The following MCPH1 variants were observed in gnomAD, a reference collection of about 807,000 sequenced individuals.
MCPH1 encodes the protein microcephalin 1, also known as microcephalin.
Under a neutral mutation model 84.5 loss-of-function variants are expected in MCPH1, and 104 were observed. The observed-to-expected ratio is 1.23, with a 90% confidence interval of 1.05 to 1.45. MCPH1 has a LOEUF of 1.45. MCPH1 is among the 40% of genes most tolerant of loss of function. The pLI, the probability that MCPH1 is intolerant of heterozygous loss-of-function variation, is 0.00. For missense variants in MCPH1, 1,498 were observed against 1,005.7 expected (o/e 1.49, Z -6.62); for synonymous variants, 514 against 366.8 (o/e 1.40, Z -4.58).
At chr8:6,565,400 T>A (rs1446525594) in intron 12 of MCPH1, among the ~76,000 whole-genome samples, 4 of 152,214 alleles carry the variant, frequency 2.6e-5, no homozygotes, top group African/African-American at 9.7e-5. Flanking sequence ...AAGGTATTAA[T>A]ATCACATATG....
intron 11 of MCPH1, among the ~76,000 whole-genome samples, chr8:6,481,997 A>G (rs1809307510): frequency 6.6e-6 from 1 of 152,208 alleles, no homozygotes; most frequent in Non-Finnish European, 1.5e-5. Context: ...ATCTGGCTCC[A>G]TTCTCCCTGG....
chr8:6,406,722 G>A (rs1010929757), intron 1 of MCPH1, 33 bp downstream of exon 1: 3 of 1,609,010 alleles, frequency 1.9e-6, no homozygotes, highest in African/African-American at 1.3e-5. Flanking sequence ...CTCCAGCAGC[G>A]GGAGTTTGAG....
At chr8:6,518,715 A>G (rs940085163) in intron 12 of MCPH1, among the ~76,000 whole-genome samples, 1 of 152,188 alleles carries the variant, frequency 6.6e-6, no homozygotes, top group Non-Finnish European at 1.5e-5. Context: ...TACAGTATCC[A>G]CTGTATTCTC....
intron 12 of MCPH1, among the ~76,000 whole-genome samples, chr8:6,527,342 G>T (rs1563348477): frequency 1.3e-5 from 2 of 152,236 alleles, no homozygotes; most frequent in African/African-American, 2.4e-5. Context: ...AGGGGCCAGG[G>T]AATGAAAGGT....
At chr8:6,464,275 C>T (rs900262774) in intron 9 of MCPH1, among the ~76,000 whole-genome samples, 5 of 152,112 alleles carry the variant, frequency 3.3e-5, no homozygotes, top group Non-Finnish European at 7.4e-5. Flanking sequence ...CGGGGATGTG[C>T]TCGTTGTAAC....
At position 6,445,220 on chromosome 8, in the gene MCPH1, A is replaced by C; in HGVS notation, c.1498A>C (p.Thr500Pro). The C allele has an allele frequency of 6.2e-7, 1 of 1,614,258 alleles. No homozygotes were observed. Among genetic ancestry groups the C allele is most frequent in the Non-Finnish European group, 8.5e-7 (1 of 1,180,054 alleles). ...AGGCCGTGCAACTTCGAGTTGCGTG[A>C]CTTCTGCCCCTGAAGAAGCCCTAAG... ...GEGRATSSCV[T>P]SAPEEALRCC... The change falls in exon 8 of 14, where the codon ACT (threonine) becomes CCT (proline). Residue 500 changes from threonine to proline, a missense_variant. Thr to Pro is a conservative substitution (Grantham distance 38). Coordinates refer to ENST00000344683, the MANE Select transcript of MCPH1 (RefSeq NM_024596.5).
chr8:6,445,980 G>C, intron 8 of MCPH1: 13 of 980,326 alleles, frequency 1.3e-5, no homozygotes, highest in Non-Finnish European at 1.6e-5. Context: ...TTAAGCCATC[G>C]ATTGTATCAT....
At chr8:6,534,956 C>T (rs1820224257) in intron 12 of MCPH1, among the ~76,000 whole-genome samples, 1 of 152,198 alleles carries the variant, frequency 6.6e-6, no homozygotes, top group Non-Finnish European at 1.5e-5. Context: ...AGCTGTGTGT[C>T]ACCCAGAGGC....
intron 11 of MCPH1, among the ~76,000 whole-genome samples, chr8:6,497,348 A>G (rs920609364): frequency 2.0e-5 from 3 of 152,062 alleles, no homozygotes; most frequent in Non-Finnish European, 2.9e-5. Context: ...AGAAAAAAGA[A>G]AAAAATTAAC....
chr8:6,464,134 T>C (rs1403385229), intron 9 of MCPH1, among the ~76,000 whole-genome samples: 1 of 152,224 alleles, frequency 6.6e-6, no homozygotes, highest in Non-Finnish European at 1.5e-5. Context: ...ATAGGCCCTT[T>C]AGTGCCGACC....
intron 13 of MCPH1, among the ~76,000 whole-genome samples, chr8:6,641,874 T>C (rs185057596): frequency 1.3e-5 from 2 of 152,342 alleles, no homozygotes; most frequent in African/African-American, 4.8e-5. Flanking sequence ...ATTTCTTATA[T>C]ATATAAGCTA....
At chr8:6,556,034 T>A (rs1824551751) in intron 12 of MCPH1, among the ~76,000 whole-genome samples, 1 of 152,166 alleles carries the variant, frequency 6.6e-6, no homozygotes, top group Non-Finnish European at 1.5e-5. Context: ...TCAGGCCTGA[T>A]GCTGGCCTAG....
At chr8:6,601,239 G>C (rs1829336453) in intron 12 of MCPH1, among the ~76,000 whole-genome samples, 1 of 152,160 alleles carries the variant, frequency 6.6e-6, no homozygotes, top group Admixed American at 6.5e-5. Context: ...TGTCTTTGCA[G>C]GTGCATCTCT....
At chr8:6,435,162 C>T (rs1204411770) in intron 4 of MCPH1, among the ~76,000 whole-genome samples, 3 of 152,036 alleles carry the variant, frequency 2.0e-5, no homozygotes, top group Non-Finnish European at 2.9e-5. Context: ...GATTTAATGA[C>T]GGTAGGGCAA....
rs143326704 is a variant in MCPH1, at chr8:6,521,221, C to T, written c.2214+21292C>T. 1.2e-4 allele frequency: 186 copies of T among 1,613,768 alleles called. No individual in the cohort carries two copies. The highest frequency in any genetic ancestry group is 1.4e-4 in the Non-Finnish European group (168 of 1,179,950). On this transcript the variant is annotated intron_variant, in intron 12 of 13. Coordinates refer to ENST00000344683, the MANE Select transcript of MCPH1 (RefSeq NM_024596.5). ...TAGTCAGTAAGTTATTAACTGTCTC[C>T]ATGAGATCATGTTGCTGCTTCTGAA...
chr8:6,445,128 G>A lies in MCPH1; in HGVS notation c.1406G>A (p.Arg469Lys), dbSNP rs1401577916. Residue 469 changes from arginine (R) to lysine (K), a missense_variant, in exon 8 of 14, where the codon AGA becomes AAA. Physicochemically the swap from Arg to Lys is conservative, Grantham distance 26 (BLOSUM62 2). Coordinates refer to ENST00000344683, the MANE Select transcript of MCPH1 (RefSeq NM_024596.5). Reference protein sequence around the residue: ...SDFSCVGKKTRTVDITNFTAK... With the variant: ...SDFSCVGKKTKTVDITNFTAK... ...TTTTCCTGCGTTGGCAAAAAAACCAGAACAGTTGACATTACCAATTTCACA... is the reference window on the plus strand; with the variant it reads ...TTTTCCTGCGTTGGCAAAAAAACCAAAACAGTTGACATTACCAATTTCACA... The A allele has an allele frequency of 6.2e-7, 1 of 1,614,244 alleles. No homozygotes were observed. The highest frequency in any genetic ancestry group is 8.5e-7 in the Non-Finnish European group (1 of 1,180,044).
intron 1 of MCPH1, chr8:6,407,165 C>G (rs987903008): frequency 4.3e-6 from 1 of 232,104 alleles, no homozygotes. Flanking sequence ...TGGTGTGGGG[C>G]CCTCCTGGGT....
chr8:6,508,727 A>G (rs1412173886), intron 12 of MCPH1: 5 of 694,702 alleles, frequency 7.2e-6, no homozygotes, highest in Middle Eastern at 3.9e-4. Context: ...TGGCTTGCTG[A>G]CAAGTCTAGC....
intron 12 of MCPH1, among the ~76,000 whole-genome samples, chr8:6,540,189 C>T (rs1821288276): frequency 6.6e-6 from 1 of 152,128 alleles, no homozygotes; most frequent in African/African-American, 2.4e-5. Flanking sequence ...TAATTTTTTT[C>T]ACATATATTT....
Sources: gnomAD v4.1 joint callset for allele counts (sites outside exome capture counted in the v4.1 genomes callset) on GRCh38, gnomAD v4.1.1 for gene constraint, MANE v1.5 for transcripts, NCBI Gene and HGNC (gene_info 2026-07-23, HGNC 2026-07-21) for gene names.